The following VRK2 variants were observed in gnomAD, a reference collection of about 807,000 sequenced individuals.
The protein encoded by VRK2 is VRK serine/threonine kinase 2, also known as serine/threonine-protein kinase VRK2.
VRK2 carries 60 observed loss-of-function variants against 57.6 expected under a neutral mutation model. The observed-to-expected ratio is 1.04, with a 90% CI of 0.85 to 1.29. VRK2 has a LOEUF of 1.29. VRK2 is among the 50% of genes most tolerant of loss of function. VRK2 has a pLI of 0.00. For missense variants in VRK2, 705 were observed against 588.1 expected, an observed-to-expected ratio of 1.20 and a Z score of -2.06; for synonymous variants, 231 against 199.2, an observed-to-expected ratio of 1.16 and a Z score of -1.35.
chr2:57,934,565 G>A (rs1463163363), intron 1 of VRK2, among the ~76,000 whole-genome samples: 1 of 152,174 alleles, frequency 6.6e-6, no homozygotes, highest in Non-Finnish European at 1.5e-5. Context: ...TCAGGTTGAA[G>A]CCATTTGGGA....
At chr2:58,143,199 T>G (rs1681595022) in intron 11 of VRK2, among the ~76,000 whole-genome samples, 1 of 151,980 alleles carries the variant, frequency 6.6e-6, no homozygotes, top group South Asian at 2.1e-4. Flanking sequence ...AGAAGCACAT[T>G]TTTGGTTTAT....
intron 1 of VRK2, among the ~76,000 whole-genome samples, chr2:58,002,133 T>A (rs774654569): frequency 1.2e-4 from 18 of 152,200 alleles, no homozygotes; most frequent in Non-Finnish European, 2.4e-4. Flanking sequence ...GAATAATATC[T>A]GCTCTTTGTT....
intron 1 of VRK2, among the ~76,000 whole-genome samples, chr2:57,924,032 T>C (rs1398745619): frequency 6.6e-6 from 1 of 151,978 alleles, no homozygotes; most frequent in Non-Finnish European, 1.5e-5. Context: ...GAGTCTATTC[T>C]AGATGTGTGA....
intron 7 of VRK2, among the ~76,000 whole-genome samples, chr2:58,108,484 C>T (rs1675080769): frequency 6.6e-6 from 1 of 152,130 alleles, no homozygotes. Context: ...CCAAGGCTCT[C>T]TGGAAACTGA....
At chr2:58,125,234 G>A (rs954951567) in intron 8 of VRK2, among the ~76,000 whole-genome samples, 23 of 152,048 alleles carry the variant, frequency 1.5e-4, no homozygotes, top group African/African-American at 5.6e-4. Flanking sequence ...TGTGATTGTG[G>A]AAAGAGAAGT....
chr2:58,156,522 ATAAC>A (rs533951902), intron 12 of VRK2, among the ~76,000 whole-genome samples: 247 of 152,290 alleles, frequency 1.6e-3, no homozygotes, highest in Non-Finnish European at 2.4e-3. Flanking sequence ...AGGCAGCTAA[ATAAC>A]TATTTTTTTA....
At chr2:58,001,063 A>G (rs970907423) in intron 1 of VRK2, among the ~76,000 whole-genome samples, 4 of 152,244 alleles carry the variant, frequency 2.6e-5, no homozygotes. Context: ...TCAAAATAAT[A>G]AACCACTTCT....
intron 1 of VRK2, among the ~76,000 whole-genome samples, chr2:57,908,696 A>G (rs1309726287): frequency 6.6e-6 from 1 of 152,156 alleles, no homozygotes; most frequent in African/African-American, 2.4e-5. Context: ...TGAACCAAAT[A>G]TTTGACCAGA....
At chr2:58,141,849 A>T (rs553958712) in intron 11 of VRK2, among the ~76,000 whole-genome samples, 3 of 152,112 alleles carry the variant, frequency 2.0e-5, no homozygotes, top group East Asian at 3.9e-4. Flanking sequence ...GATGATTTCC[A>T]CAATAGATTG....
chr2:57,983,869 G>C (rs1428547629), intron 1 of VRK2, among the ~76,000 whole-genome samples: 1 of 151,846 alleles, frequency 6.6e-6, no homozygotes, highest in Non-Finnish European at 1.5e-5. Flanking sequence ...TTTTTTCTTT[G>C]ATCAATACTT....
chr2:58,043,141 G>A (rs551095305), upstream of VRK2, among the ~76,000 whole-genome samples: 17 of 152,246 alleles, frequency 1.1e-4, no homozygotes, highest in Admixed American at 5.2e-4. Context: ...CTGTTAGGAA[G>A]ATTTTGGCTG....
intron 8 of VRK2, among the ~76,000 whole-genome samples, chr2:58,130,182 C>A (rs553621592): frequency 2.6e-5 from 4 of 152,200 alleles, no homozygotes; most frequent in African/African-American, 9.6e-5. Context: ...CCTCAAAGGG[C>A]CTCTTGTGTG....
chr2:58,053,087 C>G (rs1163492345), intron 2 of VRK2, among the ~76,000 whole-genome samples: 1 of 152,174 alleles, frequency 6.6e-6, no homozygotes, highest in Non-Finnish European at 1.5e-5. Flanking sequence ...GATTGGAGTA[C>G]TTAACCCACA....
At chr2:57,913,828 T>C (rs1315804619) in intron 1 of VRK2, among the ~76,000 whole-genome samples, 1 of 152,070 alleles carries the variant, frequency 6.6e-6, no homozygotes, top group Admixed American at 6.6e-5. Flanking sequence ...TGTTTCTATA[T>C]CATATTTCAG....
rs748009265 is a variant in VRK2 at position 58,086,404 on chromosome 2, C to G, written c.322C>G (p.Leu108Val). Residue 108 changes from leucine to valine, a missense_variant, in exon 5 of 13, where the codon CTG becomes GTG. Coordinates refer to ENST00000340157, the MANE Select transcript of VRK2 (RefSeq NM_006296.7). ...LGIPLFYGSGLTEFKGRSYRF... is the reference protein window; with the variant it reads ...LGIPLFYGSGVTEFKGRSYRF... ...AATTCCTCTGTTTTATGGATCTGGT[C>G]TGACTGAATTCAAGGGAAGAAGGTA... 2 of 1,600,050 alleles carry G rather than the reference C, an allele frequency of 1.2e-6. No homozygotes were observed. Among genetic ancestry groups the G allele is most frequent in the South Asian group, 1.1e-5 (1 of 87,766 alleles).
At chr2:58,070,144 T>G (rs974053700) in intron 2 of VRK2, among the ~76,000 whole-genome samples, 1 of 152,204 alleles carries the variant, frequency 6.6e-6, no homozygotes, top group Non-Finnish European at 1.5e-5. Flanking sequence ...TAAACAATAT[T>G]GATACATTAT....
rs111529997 is a variant in VRK2, at chr2:58,068,086, C to A, written c.137-16003C>A. 3.6e-3 allele frequency among the ~76,000 whole-genome samples: 547 copies of A among 152,046 alleles called. 4 individuals carry two copies. Among genetic ancestry groups the A allele is most frequent in the Admixed American group, 0.012 (186 of 15,266 alleles). The stretch of plus-strand genomic sequence containing the variant: ...CTGGCACTACAGGTGTATGCTACGA[C>A]GCCCAGCTAATTTTTCTATTTTTAG... On this transcript the variant is annotated intron_variant, in intron 2 of 12. Coordinates refer to ENST00000340157, the MANE Select transcript of VRK2 (RefSeq NM_006296.7).
At chr2:58,138,544 G>A (rs1439021230) in intron 10 of VRK2, among the ~76,000 whole-genome samples, 1 of 152,150 alleles carries the variant, frequency 6.6e-6, no homozygotes, top group African/African-American at 2.4e-5. Context: ...TAGGGGGAAA[G>A]CGATGATGAC....
intron 1 of VRK2, among the ~76,000 whole-genome samples, chr2:57,976,292 G>A (rs1366597851): frequency 1.3e-5 from 2 of 152,104 alleles, no homozygotes; most frequent in Non-Finnish European, 2.9e-5. Context: ...GAATTGCTGG[G>A]TCAAGTGGTA....
Sources: gnomAD v4.1 joint callset for allele counts (sites outside exome capture counted in the v4.1 genomes callset) on GRCh38, gnomAD v4.1.1 for gene constraint, MANE v1.5 for transcripts, NCBI Gene and HGNC (gene_info 2026-07-23, HGNC 2026-07-21) for gene names.